Variants in TANC1 observed in about 807,000 individuals in gnomAD.
TANC1 encodes the protein tetratricopeptide repeat, ankyrin repeat and coiled-coil containing 1, also known as protein TANC1.
Under a neutral mutation model 149.7 loss-of-function variants are expected in TANC1, and 77 were observed. The ratio of observed to expected loss-of-function variants is 0.51; its 90% confidence interval spans 0.43 to 0.62. The LOEUF is 0.62. Ranked by LOEUF, TANC1 falls within the 20% of genes least tolerant of loss-of-function variation. The pLI is 0.00. For synonymous variants in TANC1, 854 were observed against 925.0 expected, an observed-to-expected ratio of 0.92 and a Z score of 1.39; for missense variants, 1,985 against 2,321.8, an observed-to-expected ratio of 0.85 and a Z score of 2.98.
chr2:158,995,238 G>T (rs1463162148), intron 1 of TANC1, among the ~76,000 whole-genome samples: 1 of 152,150 alleles, frequency 6.6e-6, no homozygotes, highest in Non-Finnish European at 1.5e-5. Flanking sequence ...AAGGTGGCTG[G>T]CTGGGGGGGC....
chr2:159,222,145 CAT>C (rs2059744901), intron 22 of TANC1, among the ~76,000 whole-genome samples: 1 of 152,232 alleles, frequency 6.6e-6, no homozygotes, highest in African/African-American at 2.4e-5. Context: ...CTAAATCTCA[CAT>C]GTCTACACTT....
chr2:159,084,552 G>A (rs1170567139), intron 3 of TANC1, among the ~76,000 whole-genome samples: 1 of 152,134 alleles, frequency 6.6e-6, no homozygotes, highest in Non-Finnish European at 1.5e-5. Flanking sequence ...CTCTTGTAAG[G>A]AGGCCTTTTG....
At position 159,186,997 on chromosome 2, in the gene TANC1, C is replaced by T; in HGVS notation, c.2715C>T (p.Leu905=). ...GGCTGTCCGCCGCCCTGGCCTCTCT[C>T]AGGAATCTCTATACTCCCAACGTGA... is the stretch of plus-strand genomic sequence containing the variant. ...TEGLSAALAS[L]RNLYTPNVKV... The change falls in exon 16 of 27, where the codon CTC becomes CTT. Residue 905 remains leucine (L), a synonymous_variant. Coordinates refer to ENST00000263635, the MANE Select transcript of TANC1 (RefSeq NM_033394.3). 1 of 1,614,224 alleles carries T rather than the reference C, an allele frequency of 6.2e-7. No homozygotes were observed. Among genetic ancestry groups the T allele is most frequent in the Non-Finnish European group, 8.5e-7 (1 of 1,180,034 alleles).
intron 4 of TANC1, among the ~76,000 whole-genome samples, chr2:159,105,045 A>G (rs2047037857): frequency 1.1e-5 from 1 of 92,988 alleles, no homozygotes; most frequent in South Asian, 4.7e-4. Flanking sequence ...CCCAGGCTGG[A>G]GTGCAGTGGT....
At chr2:159,179,846 A>C (rs1327406354) in intron 14 of TANC1, among the ~76,000 whole-genome samples, 1 of 152,130 alleles carries the variant, frequency 6.6e-6, no homozygotes, top group Non-Finnish European at 1.5e-5. Context: ...GAGAGGTCAG[A>C]AAGTTTGAGG....
chr2:159,141,894 T>G (rs2051414340), intron 5 of TANC1, among the ~76,000 whole-genome samples: 2 of 152,116 alleles, frequency 1.3e-5, no homozygotes, highest in Admixed American at 1.3e-4. Context: ...TTACAACAAT[T>G]GCCACTTTAT....
At chr2:159,226,019 T>C (rs1311988089) in intron 24 of TANC1, 3 of 501,670 alleles carry the variant, frequency 6.0e-6, no homozygotes, top group Non-Finnish European at 1.1e-5. Flanking sequence ...CCATCTTTAC[T>C]AAAAATACAA....
In TANC1 at chr2:158,977,865, C is replaced by T. The variant is rs544292693; in HGVS notation, c.-126+9083C>T. Among the ~76,000 whole-genome samples the T allele has an allele frequency of 2.2e-3, 330 of 152,190 alleles. 2 individuals carry two copies. Among genetic ancestry groups the T allele is most frequent in the African/African-American group, 7.5e-3 (313 of 41,508 alleles). The stretch of plus-strand genomic sequence containing the variant: ...CTGCTAATACCACTGAACTCCTGCC[C>T]GTCCCTGATACTTTGTTTCAATTTT... On this transcript the variant is annotated intron_variant, in intron 1 of 26. Coordinates refer to ENST00000263635, the MANE Select transcript of TANC1 (RefSeq NM_033394.3).
chr2:159,051,944 C>T (rs1031796675), intron 2 of TANC1, among the ~76,000 whole-genome samples: 2 of 152,094 alleles, frequency 1.3e-5, no homozygotes, highest in Admixed American at 6.5e-5. Context: ...AGTTTAAGTC[C>T]GTGTATTTTG....
intron 2 of TANC1, among the ~76,000 whole-genome samples, chr2:159,017,414 T>C (rs144568113): frequency 1.5e-4 from 23 of 152,300 alleles, no homozygotes; most frequent in Non-Finnish European, 2.8e-4. Context: ...TTTAAGAAAT[T>C]CCCAAATGCA....
At chr2:159,122,440 T>A (rs914922634) in intron 4 of TANC1, among the ~76,000 whole-genome samples, 2 of 152,030 alleles carry the variant, frequency 1.3e-5, no homozygotes, top group Non-Finnish European at 2.9e-5. Flanking sequence ...AAAAAAAAAA[T>A]TTAATGTGTT....
At chr2:159,220,483 T>C (rs2059635074) in intron 22 of TANC1, among the ~76,000 whole-genome samples, 1 of 151,664 alleles carries the variant, frequency 6.6e-6, no homozygotes, top group Non-Finnish European at 1.5e-5. Context: ...TTTGTATTTT[T>C]AGTAGAGACA....
intron 4 of TANC1, among the ~76,000 whole-genome samples, chr2:159,098,429 C>T (rs1053065926): frequency 2.0e-5 from 3 of 152,180 alleles, no homozygotes; most frequent in Non-Finnish European, 2.9e-5. Flanking sequence ...CACCTAATGA[C>T]GCCTGTCTCA....
intron 9 of TANC1, among the ~76,000 whole-genome samples, chr2:159,169,583 G>C (rs2054968453): frequency 6.6e-6 from 1 of 152,162 alleles, no homozygotes; most frequent in Admixed American, 6.5e-5. Context: ...CTTGCTTCTG[G>C]AATTGAAAAA....
chr2:159,012,411 T>A (rs2037860242), intron 2 of TANC1, among the ~76,000 whole-genome samples: 1 of 151,980 alleles, frequency 6.6e-6, no homozygotes, highest in African/African-American at 2.4e-5. Flanking sequence ...CACGTGCCTC[T>A]GGAACCTTAA....
intron 3 of TANC1, among the ~76,000 whole-genome samples, chr2:159,093,810 C>T (rs1408506776): frequency 6.6e-6 from 1 of 151,864 alleles, no homozygotes; most frequent in Non-Finnish European, 1.5e-5. Context: ...AGCCCAGCTG[C>T]TCCAAAGGCT....
At chr2:159,103,595 A>G (rs1418386449) in intron 4 of TANC1, among the ~76,000 whole-genome samples, 2 of 96,820 alleles carry the variant, frequency 2.1e-5, no homozygotes, top group African/African-American at 5.7e-5. Flanking sequence ...GAGTCAGATC[A>G]AGTTCATGGT....
intron 4 of TANC1, among the ~76,000 whole-genome samples, chr2:159,109,104 AG>A (rs1211352756): frequency 6.6e-6 from 1 of 152,220 alleles, no homozygotes; most frequent in African/African-American, 2.4e-5. Flanking sequence ...CGAAGAGGCT[AG>A]GAGAGTAAGT....
At chr2:159,027,970 C>T (rs985128391) in intron 2 of TANC1, among the ~76,000 whole-genome samples, 1 of 151,932 alleles carries the variant, frequency 6.6e-6, no homozygotes, top group Non-Finnish European at 1.5e-5. Flanking sequence ...TTTTTCAAGC[C>T]GCCAGTACTA....
Sources: allele counts gnomAD v4.1 joint callset (sites outside exome capture counted in the v4.1 genomes callset), GRCh38; gene constraint gnomAD v4.1.1; transcripts MANE v1.5; gene names NCBI Gene and HGNC (gene_info 2026-07-23, HGNC 2026-07-21).